UPK1B: variants seen among roughly 807,000 people sequenced by gnomAD.
The protein encoded by UPK1B is uroplakin-1b.
A neutral mutation model predicts 34.2 loss-of-function variants in UPK1B; 28 were observed. The ratio of observed to expected loss-of-function variants is 0.82; its 90% CI spans 0.61 to 1.12. The LOEUF is 1.12. UPK1B is among the 50% of genes most tolerant of loss of function. The pLI is 0.00. For missense variants in UPK1B, 325 were observed against 320.9 expected (o/e 1.01, Z -0.10); for synonymous variants, 81 against 110.4 (o/e 0.73, Z 1.67).
chr3:119,198,948 A>G, intron 6 of UPK1B, 109 bp from the exon 7 acceptor site: 1 of 1,237,722 alleles, frequency 8.1e-7, no homozygotes. Context: ...GGATATGTGA[A>G]ATCAGAATTT....
At chr3:119,183,605 C>G (rs904694505) in intron 1 of UPK1B, among the ~76,000 whole-genome samples, 6 of 152,152 alleles carry the variant, frequency 3.9e-5, no homozygotes, top group Admixed American at 1.3e-4. Flanking sequence ...GCTTCTCCCC[C>G]TAGATCCTTC....
chr3:119,182,958 G>A (rs2077995770), intron 1 of UPK1B, among the ~76,000 whole-genome samples: 1 of 152,164 alleles, frequency 6.6e-6, no homozygotes, highest in Admixed American at 6.5e-5. Flanking sequence ...GAGTTTGGGG[G>A]AAATATGCAA....
At chr3:119,203,870 T>G in intron 7 of UPK1B, 47 bp from the exon 8 acceptor site, 3 of 1,585,226 alleles carry the variant, frequency 1.9e-6, no homozygotes, top group Non-Finnish European at 2.6e-6. Flanking sequence ...ATGAGATGTT[T>G]CTAAAACAAT....
intron 6 of UPK1B, among the ~76,000 whole-genome samples, chr3:119,196,688 C>T (rs1187613741): frequency 6.6e-6 from 1 of 151,750 alleles, no homozygotes; most frequent in Admixed American, 6.6e-5. Context: ...TACAGGTGCA[C>T]GCAACCACAC....
intron 5 of UPK1B, among the ~76,000 whole-genome samples, chr3:119,191,903 C>T (rs577601936): frequency 6.6e-6 from 1 of 152,282 alleles, no homozygotes; most frequent in Non-Finnish European, 1.5e-5. Flanking sequence ...AGTCGTTCTC[C>T]TGCCTTCATT....
intron 6 of UPK1B, among the ~76,000 whole-genome samples, chr3:119,195,605 G>C (rs1346350324): frequency 6.6e-6 from 1 of 152,162 alleles, no homozygotes; most frequent in Non-Finnish European, 1.5e-5. Context: ...TAAATTTGCT[G>C]CTTATAATCA....
intron 1 of UPK1B, among the ~76,000 whole-genome samples, chr3:119,183,801 C>A (rs116007474): frequency 0.053 from 8,012 of 152,242 alleles, 310 homozygotes; most frequent in Middle Eastern, 0.092. Context: ...ATATCAAATG[C>A]CTAACATAGT....
At chr3:119,179,507 C>CTTGTTTTTTTTTTTTTTTTTTTTTTTTTT in intron 1 of UPK1B, among the ~76,000 whole-genome samples, 1 of 52,254 alleles carries the variant, frequency 1.9e-5, no homozygotes, top group African/African-American at 7.0e-5. Flanking sequence ...ATGTTGCAGT[C>CTTGTTTTTTTTTTTTTTTTTTTTTTTTTT]TTTTTTTTTT....
In UPK1B at chr3:119,190,329, A is replaced by T; in HGVS notation, c.345+10A>T. 1 of 1,602,646 alleles carries T rather than the reference A, an allele frequency of 6.2e-7. No individual in the cohort carries two copies. Among genetic ancestry groups the T allele is most frequent in the Non-Finnish European group, 8.5e-7 (1 of 1,170,654 alleles). ...AACACAACAAGACTTTGTGAGTACAACCTCAAAAAGCAAAATAATATGAAT... is the reference window on the plus strand; with the variant it reads ...AACACAACAAGACTTTGTGAGTACATCCTCAAAAAGCAAAATAATATGAAT... On this transcript the variant is annotated intron_variant, in intron 4 of 7. Transcript: ENST00000264234.
At chr3:119,198,176 G>A (rs529318992) in intron 6 of UPK1B, among the ~76,000 whole-genome samples, 1 of 149,786 alleles carries the variant, frequency 6.7e-6, no homozygotes, top group Non-Finnish European at 1.5e-5. Flanking sequence ...ACAGGGCCTT[G>A]AAAGGGTCTT....
intron 1 of UPK1B, chr3:119,176,252 C>G (rs1251014742): frequency 6.6e-6 from 1 of 152,106 alleles, no homozygotes; most frequent in Non-Finnish European, 1.5e-5. Flanking sequence ...TCTGGTACAA[C>G]AAACTTGGGT....
intron 1 of UPK1B, among the ~76,000 whole-genome samples, chr3:119,176,843 T>C (rs1310383179): frequency 3.3e-5 from 5 of 152,176 alleles, no homozygotes; most frequent in Admixed American, 3.3e-4. Flanking sequence ...CTAAAACAGT[T>C]TCTACATACT....
At chr3:119,196,720 A>T (rs2107436863) in intron 6 of UPK1B, among the ~76,000 whole-genome samples, 1 of 151,888 alleles carries the variant, frequency 6.6e-6, no homozygotes, top group East Asian at 1.9e-4. Context: ...TTGTATTTTT[A>T]GTAGAGATGG....
At chr3:119,182,166 C>T (rs9814507) in intron 1 of UPK1B, among the ~76,000 whole-genome samples, 44,992 of 152,186 alleles carry the variant, frequency 0.3, 6,840 homozygotes, top group East Asian at 0.43. Flanking sequence ...CCTTTTCTCT[C>T]ATGAATTCAT....
At chr3:119,176,600 G>C (rs994356107) in intron 1 of UPK1B, among the ~76,000 whole-genome samples, 1 of 152,298 alleles carries the variant, frequency 6.6e-6, no homozygotes, top group South Asian at 2.1e-4. Flanking sequence ...GTGCACAGGG[G>C]CTATTCCTTT....
At chr3:119,199,283 C>A in intron 7 of UPK1B, 143 bp downstream of exon 7, 2 of 880,682 alleles carry the variant, frequency 2.3e-6, no homozygotes, top group Non-Finnish European at 3.4e-6. Flanking sequence ...CTTCTGGCAC[C>A]GGAAGAAGGA....
At chr3:119,187,639 C>T in intron 2 of UPK1B, 136 bp from the exon 3 acceptor site, 1 of 863,546 alleles carries the variant, frequency 1.2e-6, no homozygotes, top group Non-Finnish European at 1.9e-6. Flanking sequence ...TGTTTGATTT[C>T]CTGGCAATGG....
chr3:119,190,832 C>A, intron 4 of UPK1B, 150 bp from the exon 5 acceptor site: 1 of 1,113,564 alleles, frequency 9.0e-7, no homozygotes, highest in Non-Finnish European at 1.3e-6. Flanking sequence ...TTATGCCAAC[C>A]TCAGCCAGCT....
rs1336430467 is a variant in UPK1B, at chr3:119,188,684, G to T, written c.270+709G>T. Among the ~76,000 whole-genome samples, 4 of 152,318 alleles carry T rather than the reference G, an allele frequency of 2.6e-5. No homozygotes were observed. In the South Asian group the frequency reaches 8.3e-4, roughly 32 times the overall value. On this transcript the variant is annotated intron_variant, in intron 3 of 7. Transcript: ENST00000264234. ...GCAGATGAAAGCAAATTTGCAGGCA[G>T]CAGAGCTGAGAAACCTGTTTCAGAC... is the stretch of plus-strand genomic sequence containing the variant.
Sources: allele counts gnomAD v4.1 joint callset (sites outside exome capture counted in the v4.1 genomes callset), GRCh38; gene constraint gnomAD v4.1.1; transcripts MANE v1.5; gene names NCBI Gene and HGNC (gene_info 2026-07-23, HGNC 2026-07-21).